OVCH2: variants seen among roughly 807,000 people sequenced by gnomAD.
OVCH2 encodes the protein ovochymase-2.
Under a neutral mutation model 73.7 loss-of-function variants are expected in OVCH2, and 88 were observed. That is an observed-to-expected ratio of 1.19 (90% CI 1.01 to 1.43). The LOEUF (loss-of-function observed/expected upper bound fraction) is 1.43. Ranked by LOEUF, OVCH2 falls within the 40% of genes most tolerant of loss-of-function variation. The pLI, the probability that OVCH2 is intolerant of heterozygous loss-of-function variation, is 0.00. For missense variants in OVCH2, 706 were observed against 674.5 expected (o/e 1.05, Z -0.52); for synonymous variants, 265 against 234.5 (o/e 1.13, Z -1.19).
downstream of OVCH2, among the ~76,000 whole-genome samples, chr11:7,686,822 G>A (rs1052482912): frequency 6.6e-6 from 1 of 152,160 alleles, no homozygotes; most frequent in Non-Finnish European, 1.5e-5. Flanking sequence ...GCATCCTGAA[G>A]ATTTTAAATA....
At chr11:7,689,350 C>T (rs1399686175), downstream of OVCH2, 1 of 212,662 alleles carries the variant, frequency 4.7e-6, no homozygotes. Flanking sequence ...TGTAGATTTA[C>T]CTGCTTAGTC....
intron 12 of OVCH2, among the ~76,000 whole-genome samples, chr11:7,694,215 A>AC (rs1856277122): frequency 6.6e-6 from 1 of 152,158 alleles, no homozygotes; most frequent in African/African-American, 2.4e-5. Context: ...TCTCACCCTG[A>AC]CTGCAGTCCT....
At chr11:7,698,990 A>G (rs1419403625) in intron 7 of OVCH2, 4 of 489,810 alleles carry the variant, frequency 8.2e-6, no homozygotes, top group Non-Finnish European at 1.1e-5. Context: ...GTGGGCTAAT[A>G]TGAAATGGTA....
rs1313933140 is a variant in OVCH2, at chr11:7,690,022, A to G, written c.1640-9T>C. On this transcript the variant is annotated splice_polypyrimidine_tract_variant and intron_variant, in intron 14 of 15. Transcript: ENST00000533663. ...GTTTAAATCTGGGTATACTGGGTAT[A>G]AGTATGATACAATTACTCAGTTTCC... is the stretch of plus-strand genomic sequence containing the variant. 1 of 1,485,854 alleles carries G rather than the reference A, an allele frequency of 6.7e-7. No individual in the cohort carries two copies. The highest frequency in any genetic ancestry group is 9.1e-7 in the Non-Finnish European group (1 of 1,101,766). The allele number at this position is 1,485,854 out of a possible 1,614,324, so 92.0% of individuals were successfully genotyped here.
chr11:7,703,366 A>T (rs995828749), intron 3 of OVCH2, among the ~76,000 whole-genome samples: 1 of 152,192 alleles, frequency 6.6e-6, no homozygotes, highest in African/African-American at 2.4e-5. Context: ...AATGAACTAG[A>T]TATTTTTTCA....
chr11:7,685,669 T>A (rs994742983), downstream of OVCH2, among the ~76,000 whole-genome samples: 2 of 152,154 alleles, frequency 1.3e-5, no homozygotes, highest in Admixed American at 1.3e-4. Context: ...GCTCCTGCCC[T>A]TGCCCATACT....
At chr11:7,684,184 T>A in the OVCH2 span, among the ~76,000 whole-genome samples, 1 of 152,226 alleles carries the variant, frequency 6.6e-6, no homozygotes, top group Non-Finnish European at 1.5e-5. Context: ...TGCCTGACCT[T>A]TCTTGACCAT....
chr11:7,693,023 G>A (rs1390974707), intron 12 of OVCH2, among the ~76,000 whole-genome samples: 1 of 152,126 alleles, frequency 6.6e-6, no homozygotes, highest in East Asian at 1.9e-4. Flanking sequence ...AAAAGGGAGG[G>A]GAACTATCTA....
At position 7,695,764 on chromosome 11, in the gene OVCH2, T is replaced by C. The variant is rs1013223971; in HGVS notation, c.1142-54A>G. On this transcript the variant is annotated intron_variant, in intron 10 of 15. Coordinates refer to ENST00000533663, the MANE Select transcript of OVCH2 (RefSeq NM_198185.7). Reference sequence around the variant, plus strand: ...TTCAGAATCTAGAAAATAGTTCCCATTCAATGATTTAAGAAGAACTGAATT... The same window carrying C: ...TTCAGAATCTAGAAAATAGTTCCCACTCAATGATTTAAGAAGAACTGAATT... The C allele has an allele frequency of 3.1e-5, 48 of 1,555,002 alleles. No individual in the cohort carries two copies. In the East Asian group the frequency reaches 3.8e-4, roughly 12 times the overall value.
intron 8 of OVCH2, among the ~76,000 whole-genome samples, chr11:7,697,193 C>A (rs1184580307): frequency 6.6e-6 from 1 of 152,174 alleles, no homozygotes; most frequent in East Asian, 1.9e-4. Flanking sequence ...CACACTGCCA[C>A]ACCCGGCTAA....
intron 12 of OVCH2, 142 bp downstream of exon 12, chr11:7,694,916 C>A: frequency 1.1e-6 from 1 of 876,868 alleles, no homozygotes; most frequent in Non-Finnish European, 1.6e-6. Context: ...TATTTATTGA[C>A]AGCTTTGTGT....
At chr11:7,705,592 C>G (rs887676008) in intron 1 of OVCH2, 1 of 152,158 alleles carries the variant, frequency 6.6e-6, no homozygotes, top group African/African-American at 2.4e-5. Context: ...CCCCACATTG[C>G]AGATGAGAAA....
intron 13 of OVCH2, among the ~76,000 whole-genome samples, 196 bp from the exon 14 acceptor site, chr11:7,691,596 A>G (rs1230452620): frequency 6.6e-6 from 1 of 152,032 alleles, no homozygotes; most frequent in Non-Finnish European, 1.5e-5. Flanking sequence ...TCTCCTGAAC[A>G]CTCCCACACA....
the OVCH2 span, among the ~76,000 whole-genome samples, chr11:7,680,910 G>A: frequency 6.6e-6 from 1 of 152,308 alleles, no homozygotes; most frequent in Admixed American, 6.5e-5. Context: ...TGGCTCAGAA[G>A]TCCCCCAAGG....
downstream of OVCH2, among the ~76,000 whole-genome samples, chr11:7,687,762 C>T (rs932308877): frequency 1.3e-5 from 2 of 152,062 alleles, no homozygotes; most frequent in Non-Finnish European, 2.9e-5. Context: ...GTGATTTAAA[C>T]AAGAAATTTA....
chr11:7,695,977 C>A (rs1433092929), intron 10 of OVCH2, among the ~76,000 whole-genome samples: 1 of 152,186 alleles, frequency 6.6e-6, no homozygotes, highest in Non-Finnish European at 1.5e-5. Flanking sequence ...TCATTCATTG[C>A]CAAATGTGTC....
rs2136159928 is a variant in OVCH2, at chr11:7,700,391, C to T, written c.806G>A (p.Trp269Ter). The T allele has an allele frequency of 1.1e-5, 17 of 1,613,398 alleles. No homozygotes were observed. The East Asian group carries it at 3.8e-4, about 36-fold the overall frequency. The change falls in exon 7 of 16, where the codon TGG becomes TAG. Residue 269 changes from tryptophan to a stop codon, truncating the protein, a stop_gained. Transcript: ENST00000533663. LOFTEE classifies it high-confidence loss of function. Reference protein sequence around the residue: ...TSWGLGCGRGWRNNVRKSDQG... With the variant: ...TSWGLGCGRG ...ATCACTTTTCCTCACATTGTTTCTC[C>T]AGCCTCGACCACAGCCCAAACCCCA...
downstream of OVCH2, among the ~76,000 whole-genome samples, chr11:7,684,756 A>G (rs545279280): frequency 1.3e-5 from 2 of 152,234 alleles, no homozygotes; most frequent in South Asian, 4.1e-4. Flanking sequence ...AACTGGTGGG[A>G]TGGAATCAGC....
rs1856217472 is a variant in OVCH2 at position 7,691,387 on chromosome 11, G to A, written c.1521C>T (p.Gly507=). The part of the protein sequence containing the change: ...ERKKEIARLC[G]YDVPTPVLSP... ...TCAGCACAGGGGTGGGGACATCATA[G>A]CCACACAGCCGAGCTTGTTGAAGGC... The change falls in exon 14 of 16, where the codon GGC becomes GGT. Residue 507 remains glycine (G), a synonymous_variant. Transcript: ENST00000533663. 6.2e-7 allele frequency: 1 copy of A among 1,612,896 alleles called. No homozygotes were observed. The highest frequency in any genetic ancestry group is 8.5e-7 in the Non-Finnish European group (1 of 1,179,370).
Sources: allele counts gnomAD v4.1 joint callset (sites outside exome capture counted in the v4.1 genomes callset), GRCh38; gene constraint gnomAD v4.1.1; transcripts MANE v1.5; gene names NCBI Gene and HGNC (gene_info 2026-07-23, HGNC 2026-07-21).